The following MAPK10 variants were observed in gnomAD, a reference collection of about 807,000 sequenced individuals.
MAPK10 encodes the protein JNK3 alpha protein kinase.
In MAPK10, 25 loss-of-function variants were observed where a neutral mutation model predicts 59.3. The ratio of observed to expected loss-of-function variants is 0.42; its 90% confidence interval spans 0.31 to 0.59. MAPK10 has a LOEUF of 0.59. Ranked by LOEUF, MAPK10 falls within the 20% of genes least tolerant of loss-of-function variation. The pLI is 0.15. For missense variants in MAPK10, 351 were observed against 568.9 expected (o/e 0.62, Z 3.90); for synonymous variants, 190 against 200.5 (o/e 0.95, Z 0.44).
chr4:86,566,293 G>A (rs112909678), intron 1 of MAPK10, among the ~76,000 whole-genome samples: 7,132 of 152,246 alleles, frequency 0.047, 221 homozygotes, highest in African/African-American at 0.059. Context: ...AATAATGTTG[G>A]TGTGATGATA....
chr4:86,292,596 C>T (rs1030633492), intron 2 of MAPK10, among the ~76,000 whole-genome samples: 21 of 152,116 alleles, frequency 1.4e-4, no homozygotes, highest in Admixed American at 1.1e-3. Flanking sequence ...ATGGTGTCTG[C>T]CTGTAGTCCT....
At chr4:86,091,421 C>T (rs1466187030) in intron 9 of MAPK10, 1 of 151,316 alleles carries the variant, frequency 6.6e-6, no homozygotes, top group Admixed American at 6.6e-5. Flanking sequence ...TAAACAGGAA[C>T]TACTGTGTTT....
intron 1 of MAPK10, among the ~76,000 whole-genome samples, chr4:86,462,374 T>C (rs1751825988): frequency 6.6e-6 from 1 of 152,204 alleles, no homozygotes; most frequent in Non-Finnish European, 1.5e-5. Context: ...GATTGTGCTG[T>C]ATGTGGAAAT....
intron 2 of MAPK10, among the ~76,000 whole-genome samples, chr4:86,259,004 T>A (rs2093875902): frequency 6.6e-6 from 1 of 152,226 alleles, no homozygotes; most frequent in Non-Finnish European, 1.5e-5. Context: ...TTTTTATCAT[T>A]TTATATAAAG....
intron 1 of MAPK10, among the ~76,000 whole-genome samples, chr4:86,433,957 G>A (rs1022050592): frequency 5.3e-5 from 8 of 152,010 alleles, no homozygotes; most frequent in African/African-American, 1.7e-4. Flanking sequence ...GGAGAAAAGC[G>A]TTTTTTCCAT....
intron 2 of MAPK10, among the ~76,000 whole-genome samples, chr4:86,239,219 CT>C (rs1472594673): frequency 3.3e-5 from 5 of 152,078 alleles, no homozygotes; most frequent in Non-Finnish European, 7.4e-5. Flanking sequence ...GGTGGATAAG[CT>C]TTTTATGTGC....
chr4:86,447,162 G>A (rs1304858698), intron 1 of MAPK10, among the ~76,000 whole-genome samples: 1 of 152,122 alleles, frequency 6.6e-6, no homozygotes, highest in African/African-American at 2.4e-5. Context: ...CCTGGTGGGA[G>A]GTAATTGGAT....
chr4:86,404,568 C>T (rs1564809691), intron 1 of MAPK10, among the ~76,000 whole-genome samples: 1 of 152,120 alleles, frequency 6.6e-6, no homozygotes, highest in African/African-American at 2.4e-5. Context: ...GTTTATAACC[C>T]TTATTGTGGT....
intron 4 of MAPK10, among the ~76,000 whole-genome samples, chr4:86,126,431 T>C (rs1028047382): frequency 2.0e-5 from 3 of 152,088 alleles, no homozygotes; most frequent in Non-Finnish European, 4.4e-5. Context: ...GCTGAAATCC[T>C]GAAGGACTTA....
intron 2 of MAPK10, among the ~76,000 whole-genome samples, chr4:86,335,613 G>T (rs1720766565): frequency 6.7e-6 from 1 of 148,210 alleles, no homozygotes; most frequent in African/African-American, 2.5e-5. Context: ...TACTGTATTA[G>T]TTTTTTTTTT....
chr4:86,011,518 C>G lies in MAPK10; in HGVS notation c.*5710G>C, dbSNP rs984648144. 1 of 152,186 alleles carries G rather than the reference C, an allele frequency of 6.6e-6. No individual in the cohort carries two copies. The highest frequency in any genetic ancestry group is 1.5e-5 in the Non-Finnish European group (1 of 68,032). 9.4% of individuals were successfully genotyped at this position (152,186 alleles called of 1,614,324 possible). A position where few individuals can be genotyped will look rare whatever the true frequency, so the allele number is the denominator to read the frequency against. ...CACCCTTTTTTCTCCTTACTGTGAA[C>G]TTGGTCAAAATTACCAAATGTTTGG... On this transcript the variant is annotated 3_prime_UTR_variant, in exon 14 of 14. Transcript: ENST00000641462.
chr4:86,365,670 T>C (rs2869435), intron 1 of MAPK10, among the ~76,000 whole-genome samples: 110,465 of 151,372 alleles, frequency 0.73, 40,902 homozygotes, highest in South Asian at 0.9. Context: ...TGGAGTGTTA[T>C]GTTGTGATAT....
intron 11 of MAPK10, among the ~76,000 whole-genome samples, chr4:86,052,994 T>A (rs893605157): frequency 1.3e-5 from 2 of 152,076 alleles, no homozygotes; most frequent in Non-Finnish European, 2.9e-5. Context: ...AGGGTATTTT[T>A]TTTTTAAAAA....
intron 2 of MAPK10, among the ~76,000 whole-genome samples, chr4:86,308,229 C>T (rs1578019978): frequency 1.3e-5 from 2 of 152,106 alleles, no homozygotes; most frequent in East Asian, 3.9e-4. Context: ...GCTGAGACTC[C>T]TCTATTTGTG....
intron 1 of MAPK10, among the ~76,000 whole-genome samples, chr4:86,542,012 T>G (rs1758741584): frequency 7.3e-6 from 1 of 136,744 alleles, no homozygotes. Context: ...AAGAAAGAAA[T>G]AAAATATTAA....
At chr4:86,592,639 G>A (rs1763139639) in intron 1 of MAPK10, among the ~76,000 whole-genome samples, 1 of 152,172 alleles carries the variant, frequency 6.6e-6, no homozygotes, top group African/African-American at 2.4e-5. Flanking sequence ...TTAAAAATGG[G>A]GGAAGAACTG....
chr4:86,101,573 G>A (rs1200420788), intron 7 of MAPK10: 43 of 399,026 alleles, frequency 1.1e-4, no homozygotes, highest in South Asian at 3.7e-5. Context: ...CAGGGAAGCT[G>A]TCTTTATGCT....
At chr4:86,297,702 ACAGTATT>A (rs1325061129) in intron 2 of MAPK10, among the ~76,000 whole-genome samples, 1 of 151,878 alleles carries the variant, frequency 6.6e-6, no homozygotes, top group African/African-American at 2.4e-5. Context: ...GGCTCTGTAT[ACAGTATT>A]CAATGTTATT....
At chr4:86,309,736 CATTG>C (rs934151854) in intron 2 of MAPK10, among the ~76,000 whole-genome samples, 2 of 152,100 alleles carry the variant, frequency 1.3e-5, no homozygotes, top group African/African-American at 4.8e-5. Context: ...GGATATTCTC[CATTG>C]AACTGTTAAG....
Sources: gnomAD v4.1 joint callset for allele counts (sites outside exome capture counted in the v4.1 genomes callset) on GRCh38, gnomAD v4.1.1 for gene constraint, MANE v1.5 for transcripts, NCBI Gene and HGNC (gene_info 2026-07-23, HGNC 2026-07-21) for gene names.